CCDC170: variants seen among roughly 807,000 people sequenced by gnomAD.
CCDC170 encodes the protein coiled-coil domain-containing protein 170.
Under a neutral mutation model 72.6 loss-of-function variants are expected in CCDC170, and 69 were observed. The ratio of observed to expected loss-of-function variants is 0.95; its 90% CI spans 0.78 to 1.16. The LOEUF is 1.16. Ranked by LOEUF, CCDC170 falls within the 50% of genes most tolerant of loss-of-function variation. The pLI is 0.00. For missense variants in CCDC170, 852 were observed against 832.5 expected (o/e 1.02, Z -0.29); for synonymous variants, 300 against 303.9 (o/e 0.99, Z 0.13).
At chr6:151,525,500 T>C (rs904391768) in intron 1 of CCDC170, among the ~76,000 whole-genome samples, 1 of 152,182 alleles carries the variant, frequency 6.6e-6, no homozygotes, top group African/African-American at 2.4e-5. Context: ...TGGGATAATG[T>C]ACTTTGTGAT....
At chr6:151,605,291 T>C (rs1776766327) in intron 9 of CCDC170, among the ~76,000 whole-genome samples, 1 of 152,236 alleles carries the variant, frequency 6.6e-6, no homozygotes, top group South Asian at 2.1e-4. Flanking sequence ...TGTGTTTGCC[T>C]CAGCTCTAGT....
chr6:151,573,638 A>T (rs1365675248), intron 6 of CCDC170, 147 bp downstream of exon 6: 4 of 839,518 alleles, frequency 4.8e-6, no homozygotes, highest in Non-Finnish European at 7.3e-6. Context: ...GGTTTAATGG[A>T]TTCACAGTTC....
chr6:151,563,808 G>A (rs76304027), intron 5 of CCDC170, among the ~76,000 whole-genome samples: 2,810 of 152,286 alleles, frequency 0.018, 98 homozygotes, highest in African/African-American at 0.064. Context: ...GGGCAGAGAA[G>A]CTCTCCCACC....
chr6:151,616,362 A>C (rs558867749), intron 10 of CCDC170, among the ~76,000 whole-genome samples: 1 of 152,154 alleles, frequency 6.6e-6, no homozygotes, highest in South Asian at 2.1e-4. Context: ...GGTCAGGCGT[A>C]AAGAAACATG....
chr6:151,561,749 G>A (rs1776037882), intron 5 of CCDC170, among the ~76,000 whole-genome samples: 2 of 151,894 alleles, frequency 1.3e-5, no homozygotes, highest in Admixed American at 1.3e-4. Context: ...GAATCTGGAT[G>A]TCAACCTCTT....
At chr6:151,565,951 T>G (rs758778871) in intron 5 of CCDC170, among the ~76,000 whole-genome samples, 1 of 152,232 alleles carries the variant, frequency 6.6e-6, no homozygotes, top group Non-Finnish European at 1.5e-5. Context: ...CCTTTTACAA[T>G]TTCCAGATGG....
chr6:151,504,894 T>C (rs1782044263), intron 1 of CCDC170, among the ~76,000 whole-genome samples: 1 of 150,818 alleles, frequency 6.6e-6, no homozygotes, highest in East Asian at 1.9e-4. Context: ...AAATATCAAG[T>C]TGTGAGTGGG....
intron 5 of CCDC170, among the ~76,000 whole-genome samples, chr6:151,554,214 A>C (rs1241187478): frequency 6.6e-6 from 1 of 152,008 alleles, no homozygotes; most frequent in Non-Finnish European, 1.5e-5. Flanking sequence ...CTATTTGAGG[A>C]AAGTAGTCAT....
chr6:151,596,476 A>G lies in CCDC170; in HGVS notation c.1609A>G (p.Asn537Asp). ...ERDNAHLTIR[N>D]LQKKVERLQK... ...GGACAACGCGCATCTTACCATCAGGAACTTGCAGAAGAAGGTGGAGAGGCT... is the reference window on the plus strand; with the variant it reads ...GGACAACGCGCATCTTACCATCAGGGACTTGCAGAAGAAGGTGGAGAGGCT... The change falls in exon 9 of 11, where the codon AAC becomes GAC. Residue 537 changes from asparagine to aspartate, a missense_variant. Transcript: ENST00000239374. 1 of 1,614,106 alleles carries G rather than the reference A, an allele frequency of 6.2e-7. No homozygotes were observed. Among genetic ancestry groups the G allele is most frequent in the Non-Finnish European group, 8.5e-7 (1 of 1,180,002 alleles).
intron 1 of CCDC170, among the ~76,000 whole-genome samples, chr6:151,515,047 C>A (rs1348132330): frequency 6.6e-6 from 1 of 152,180 alleles, no homozygotes; most frequent in Non-Finnish European, 1.5e-5. Context: ...AACAAGAGGT[C>A]TTGGAAATTG....
At chr6:151,562,493 T>A (rs1776055879) in intron 5 of CCDC170, among the ~76,000 whole-genome samples, 1 of 152,230 alleles carries the variant, frequency 6.6e-6, no homozygotes, top group Non-Finnish European at 1.5e-5. Flanking sequence ...TATATGTTCC[T>A]TGGTTGTGGA....
intron 1 of CCDC170, among the ~76,000 whole-genome samples, chr6:151,530,858 T>C (rs1471925117): frequency 6.6e-6 from 1 of 152,208 alleles, no homozygotes; most frequent in East Asian, 1.9e-4. Context: ...TAGCCATTTA[T>C]GGCCCTTCTG....
At chr6:151,528,742 G>GC (rs200010149) in intron 1 of CCDC170, among the ~76,000 whole-genome samples, 15,580 of 152,004 alleles carry the variant, frequency 0.1, 804 homozygotes, top group Non-Finnish European at 0.11. Context: ...GGAGGCTGAG[G>GC]CAGGAGAATC....
intron 5 of CCDC170, among the ~76,000 whole-genome samples, chr6:151,563,410 G>T (rs78872884): frequency 0.019 from 2,822 of 152,250 alleles, 99 homozygotes; most frequent in African/African-American, 0.064. Flanking sequence ...GGACTTGGTG[G>T]GCTGTGCTCC....
At chr6:151,600,043 C>T (rs1776681057) in intron 9 of CCDC170, among the ~76,000 whole-genome samples, 1 of 152,194 alleles carries the variant, frequency 6.6e-6, no homozygotes. Flanking sequence ...CGGGCCCCTA[C>T]ACATTTCAAA....
chr6:151,547,742 T>C (rs2115057947), intron 4 of CCDC170, among the ~76,000 whole-genome samples: 1 of 152,290 alleles, frequency 6.6e-6, no homozygotes, highest in Non-Finnish European at 1.5e-5. Context: ...ATTTTCCCCT[T>C]GTAAATCTTA....
intron 7 of CCDC170, among the ~76,000 whole-genome samples, chr6:151,591,704 C>T (rs1238315713): frequency 6.6e-6 from 1 of 152,008 alleles, no homozygotes; most frequent in Non-Finnish European, 1.5e-5. Flanking sequence ...ACTGTGTTAG[C>T]CAGCATGGTC....
intron 10 of CCDC170, among the ~76,000 whole-genome samples, chr6:151,616,909 CAA>C: frequency 6.6e-6 from 1 of 152,246 alleles, no homozygotes; most frequent in South Asian, 2.1e-4. Flanking sequence ...AATCACCCAC[CAA>C]AGGCCCCACC....
rs1266642753 is a variant in CCDC170 at position 151,617,962 on chromosome 6, G to A, written c.1963G>A (p.Glu655Lys). Residue 655 changes from glutamate to lysine, a missense_variant, in exon 11 of 11, where the codon GAG becomes AAG. Glu to Lys is a moderately conservative substitution (Grantham distance 56). Transcript: ENST00000239374. ...GATATTGCAGCTGGCAGACTTCAGGGAGGTGGTGTCGCAGATGCTAGGCTT... is the reference window on the plus strand; with the variant it reads ...GATATTGCAGCTGGCAGACTTCAGGAAGGTGGTGTCGCAGATGCTAGGCTT... ...KREKQLADFR[E>K]VVSQMLGLNV... 10 of 1,613,642 alleles carry A rather than the reference G, an allele frequency of 6.2e-6. No homozygotes were observed. Among genetic ancestry groups the A allele is most frequent in the South Asian group, 1.1e-5 (1 of 91,054 alleles).
Sources: allele counts gnomAD v4.1 joint callset (sites outside exome capture counted in the v4.1 genomes callset), GRCh38; gene constraint gnomAD v4.1.1; transcripts MANE v1.5; gene names NCBI Gene and HGNC (gene_info 2026-07-23, HGNC 2026-07-21).